TMEM232: variants seen among roughly 807,000 people sequenced by gnomAD.
TMEM232 encodes transmembrane protein 232.
In TMEM232, 80 loss-of-function variants were observed where a neutral mutation model predicts 78.8. The ratio of observed to expected loss-of-function variants is 1.01; its 90% CI spans 0.85 to 1.22. The LOEUF (loss-of-function observed/expected upper bound fraction) is 1.22, where lower values mean the gene tolerates loss of function less well. Ranked by LOEUF, TMEM232 falls within the 50% of genes most tolerant of loss-of-function variation. TMEM232 has a pLI of 0.00. For synonymous variants in TMEM232, 297 were observed against 254.3 expected, an observed-to-expected ratio of 1.17 and a Z score of -1.60; for missense variants, 881 against 742.2, an observed-to-expected ratio of 1.19 and a Z score of -2.17.
At chr5:110,614,380 A>C (rs1400106361) in intron 8 of TMEM232, among the ~76,000 whole-genome samples, 2 of 152,126 alleles carry the variant, frequency 1.3e-5, no homozygotes, top group East Asian at 3.9e-4. Context: ...ACTTGGCCTC[A>C]GTTTCTTTAT....
chr5:110,672,914 A>G (rs1474558234), intron 1 of TMEM232, among the ~76,000 whole-genome samples: 2 of 152,108 alleles, frequency 1.3e-5, no homozygotes, highest in African/African-American at 4.8e-5. Flanking sequence ...AGGTATCTAG[A>G]ACTAGAAATA....
intron 12 of TMEM232, among the ~76,000 whole-genome samples, chr5:110,444,431 C>G (rs1032546909): frequency 6.6e-6 from 1 of 152,132 alleles, no homozygotes; most frequent in Non-Finnish European, 1.5e-5. Flanking sequence ...CATGTAGCCA[C>G]AGCTGGGGGG....
At chr5:110,510,656 AAAG>A (rs1767613508) in intron 12 of TMEM232, among the ~76,000 whole-genome samples, 1 of 152,220 alleles carries the variant, frequency 6.6e-6, no homozygotes, top group African/African-American at 2.4e-5. Flanking sequence ...ACACTTCTCA[AAAG>A]AAGACATTTA....
intron 2 of TMEM232, among the ~76,000 whole-genome samples, chr5:110,645,801 T>C (rs1787403071): frequency 6.6e-6 from 1 of 151,568 alleles, no homozygotes; most frequent in South Asian, 2.1e-4. Context: ...AAATGACATA[T>C]ATGTAGACAT....
At chr5:110,699,506 T>G (rs564816079) in intron 1 of TMEM232, among the ~76,000 whole-genome samples, 1 of 152,180 alleles carries the variant, frequency 6.6e-6, no homozygotes, top group African/African-American at 2.4e-5. Flanking sequence ...ACTGGTTTAC[T>G]TATGGGCACA....
At chr5:110,522,608 G>GT (rs1436517538) in intron 12 of TMEM232, among the ~76,000 whole-genome samples, 2 of 152,036 alleles carry the variant, frequency 1.3e-5, no homozygotes, top group Non-Finnish European at 2.9e-5. Flanking sequence ...TTTGGTGACA[G>GT]TTTTTATCAT....
At chr5:110,577,973 C>T (rs1777759917) in intron 10 of TMEM232, among the ~76,000 whole-genome samples, 1 of 151,744 alleles carries the variant, frequency 6.6e-6, no homozygotes, top group South Asian at 2.1e-4. Context: ...TACAACCAAT[C>T]CCCATGACAC....
At chr5:110,430,231 T>G (rs1757684053) in intron 12 of TMEM232, 1 of 151,778 alleles carries the variant, frequency 6.6e-6, no homozygotes, top group Admixed American at 6.6e-5. Context: ...TCTTTTTAAC[T>G]TTCTCTAAGA....
chr5:110,595,642 T>C (rs1018269681), intron 10 of TMEM232, among the ~76,000 whole-genome samples: 3 of 152,124 alleles, frequency 2.0e-5, no homozygotes, highest in African/African-American at 2.4e-5. Flanking sequence ...CAAGTATCAA[T>C]AGCTGAATCG....
At chr5:110,491,423 A>C (rs1483829049) in intron 12 of TMEM232, among the ~76,000 whole-genome samples, 1 of 152,018 alleles carries the variant, frequency 6.6e-6, no homozygotes, top group Non-Finnish European at 1.5e-5. Context: ...TCAAAAAGTT[A>C]AACTCTATGT....
chr5:110,612,624 T>C (rs1490470896), intron 8 of TMEM232, among the ~76,000 whole-genome samples: 2 of 152,192 alleles, frequency 1.3e-5, no homozygotes, highest in Non-Finnish European at 2.9e-5. Flanking sequence ...TTCATTTCGA[T>C]GCAAACACAA....
intron 1 of TMEM232, among the ~76,000 whole-genome samples, chr5:110,688,403 T>C (rs549365920): frequency 6.6e-6 from 1 of 152,246 alleles, no homozygotes; most frequent in East Asian, 1.9e-4. Context: ...ATTCTTGGGA[T>C]TGTGGAGAGA....
intron 13 of TMEM232, among the ~76,000 whole-genome samples, chr5:110,422,278 G>C (rs1345571403): frequency 6.6e-6 from 1 of 152,002 alleles, no homozygotes; most frequent in Non-Finnish European, 1.5e-5. Context: ...CACTTTGGGA[G>C]GCTGAGGCGG....
chr5:110,434,578 A>G (rs532333065), intron 12 of TMEM232, among the ~76,000 whole-genome samples: 1 of 152,180 alleles, frequency 6.6e-6, no homozygotes, highest in African/African-American at 2.4e-5. Flanking sequence ...CAAAAAATCG[A>G]GGAGGAAGGA....
chr5:110,461,690 G>A (rs1238497458), intron 12 of TMEM232, among the ~76,000 whole-genome samples: 1 of 152,176 alleles, frequency 6.6e-6, no homozygotes, highest in Non-Finnish European at 1.5e-5. Flanking sequence ...GACCATCTTA[G>A]GGGATAATGC....
At chr5:110,686,328 C>T (rs1272676813) in intron 1 of TMEM232, among the ~76,000 whole-genome samples, 2 of 151,984 alleles carry the variant, frequency 1.3e-5, no homozygotes, top group Non-Finnish European at 2.9e-5. Flanking sequence ...TATGAGAAGG[C>T]AATGTCACAT....
chr5:110,488,245 CT>C (rs1764676861), intron 12 of TMEM232, among the ~76,000 whole-genome samples: 1 of 151,866 alleles, frequency 6.6e-6, no homozygotes, highest in Non-Finnish European at 1.5e-5. Flanking sequence ...TTTCTCTCTT[CT>C]TTTCTTGGTT....
rs534632353 is a variant in TMEM232, at chr5:110,595,940, T to A, written c.1276+9169A>T. 2.0e-5 allele frequency among the ~76,000 whole-genome samples: 3 copies of A among 152,032 alleles called. No homozygotes were observed. The East Asian group carries it at 5.8e-4, about 30-fold the overall frequency. ...AATACAGAGAACACCACTAAGATAC[T>A]CCTCGAGAAGAGCAACCCCAAGACA... is the stretch of plus-strand genomic sequence containing the variant. On this transcript the variant is annotated intron_variant, in intron 10 of 13. Transcript: ENST00000455884.
chr5:110,448,699 A>T (rs1435683567), intron 12 of TMEM232, among the ~76,000 whole-genome samples: 4 of 152,020 alleles, frequency 2.6e-5, no homozygotes. Flanking sequence ...TCTCACATGG[A>T]ATGAGGAAAG....
Sources: allele counts gnomAD v4.1 joint callset (sites outside exome capture counted in the v4.1 genomes callset), GRCh38; gene constraint gnomAD v4.1.1; transcripts MANE v1.5; gene names NCBI Gene and HGNC (gene_info 2026-07-23, HGNC 2026-07-21).